WNT9A: variants seen among roughly 807,000 people sequenced by gnomAD.
The protein encoded by WNT9A is protein Wnt-9a.
Under a neutral mutation model 31.4 loss-of-function variants are expected in WNT9A, and 8 were observed. The ratio of observed to expected loss-of-function variants is 0.26; its 90% CI spans 0.15 to 0.46. WNT9A has a LOEUF of 0.46. Among genes scored for constraint, WNT9A ranks in the 20% least tolerant of loss-of-function variants. WNT9A has a pLI of 0.99. For missense variants in WNT9A, 457 were observed against 522.9 expected, an observed-to-expected ratio of 0.87 and a Z score of 1.23; for synonymous variants, 236 against 220.1, an observed-to-expected ratio of 1.07 and a Z score of -0.64.
chr1:227,933,478 T>C (rs1666543632), intron 1 of WNT9A, among the ~76,000 whole-genome samples: 1 of 152,240 alleles, frequency 6.6e-6, no homozygotes, highest in Non-Finnish European at 1.5e-5. Flanking sequence ...GGAGTAGCAC[T>C]TTCCATTTTC....
Position 227,921,902 on chromosome 1 carries a change from C to T in WNT9A, c.714G>A (p.Glu238=). Residue 238 remains glutamate (E), a synonymous_variant, in exon 4 of 4, where the codon GAG becomes GAA. Coordinates refer to ENST00000272164, the MANE Select transcript of WNT9A (RefSeq NM_003395.4). The part of the protein sequence containing the change: ...TCWRQLAPFH[E]VGKHLKHKYE... ...ACTTGTGCTTCAGATGCTTGCCCAC[C>T]TCATGGAAAGGCGCCAACTGCCGCC... 6.2e-7 allele frequency: 1 copy of T among 1,613,228 alleles called. No homozygotes were observed. Among genetic ancestry groups the T allele is most frequent in the Admixed American group, 1.7e-5 (1 of 60,036 alleles).
chr1:227,943,972 C>T (rs1397088795), intron 1 of WNT9A, among the ~76,000 whole-genome samples: 2 of 152,108 alleles, frequency 1.3e-5, no homozygotes, highest in Non-Finnish European at 2.9e-5. Context: ...CAGAGCAAGA[C>T]TCTGTCTCAA....
At chr1:227,945,607 G>A (rs1666782109) in intron 1 of WNT9A, among the ~76,000 whole-genome samples, 1 of 152,276 alleles carries the variant, frequency 6.6e-6, no homozygotes, top group South Asian at 2.1e-4. Context: ...TTTTGAGAGG[G>A]GGAAGGGAGA....
At chr1:227,941,120 G>A (rs551289135) in intron 1 of WNT9A, among the ~76,000 whole-genome samples, 2 of 152,374 alleles carry the variant, frequency 1.3e-5, no homozygotes, top group African/African-American at 2.4e-5. Flanking sequence ...ACTGCACTAC[G>A]TCTGGCCACA....
intron 1 of WNT9A, among the ~76,000 whole-genome samples, chr1:227,940,343 TGCTCA>T (rs1327941478): frequency 6.6e-6 from 1 of 152,170 alleles, no homozygotes; most frequent in Non-Finnish European, 1.5e-5. Context: ...GAGGCCTCTG[TGCTCA>T]GTGACCACAG....
At chr1:227,940,489 G>A (rs1218106497) in intron 1 of WNT9A, among the ~76,000 whole-genome samples, 1 of 152,178 alleles carries the variant, frequency 6.6e-6, no homozygotes, top group Non-Finnish European at 1.5e-5. Context: ...TCACTCTCCT[G>A]TAGGTGTCAC....
chr1:227,937,558 G>A (rs922060954), intron 1 of WNT9A, among the ~76,000 whole-genome samples: 4 of 152,228 alleles, frequency 2.6e-5, no homozygotes, highest in Non-Finnish European at 5.9e-5. Flanking sequence ...AGTGGAGGCT[G>A]TCCTTATAAG....
intron 1 of WNT9A, among the ~76,000 whole-genome samples, chr1:227,947,161 A>T (rs1427268495): frequency 6.6e-6 from 1 of 152,150 alleles, no homozygotes; most frequent in Admixed American, 6.5e-5. Context: ...GAGCACGGGC[A>T]ATGACACCGC....
chr1:227,938,300 CACACACACATAT>C (rs1311776040), intron 1 of WNT9A, among the ~76,000 whole-genome samples: 3 of 151,136 alleles, frequency 2.0e-5, no homozygotes, highest in Non-Finnish European at 4.4e-5. Context: ...CACACGCATA[CACACACACATAT>C]ACCCATACAT....
chr1:227,922,745 C>T lies in WNT9A; in HGVS notation c.616-745G>A, dbSNP rs28657911. ...ACAGAAGCCTGGCTGGGCCTGTCCC[C>T]TCCCAGGACTTAGGGCCCCACCTGC... On this transcript the variant is annotated intron_variant, in intron 3 of 3. Coordinates refer to ENST00000272164, the MANE Select transcript of WNT9A (RefSeq NM_003395.4). 5.1e-3 allele frequency among the ~76,000 whole-genome samples: 782 copies of T among 152,320 alleles called. 5 individuals carry two copies. Among genetic ancestry groups the T allele is most frequent in the African/African-American group, 0.018 (752 of 41,578 alleles).
Position 227,921,823 on chromosome 1 carries a change from C to G in WNT9A, c.793G>C (p.Gly265Arg), listed in dbSNP as rs1167018605. Residue 265 changes from glycine (G) to arginine (R), a missense_variant, in exon 4 of 4, where the codon GGT becomes CGT. Gly to Arg is a moderately radical substitution (Grantham distance 125). Transcript: ENST00000272164. ...STTNEAAGEAGAISPPRGRAS... is the reference protein window; with the variant it reads ...STTNEAAGEARAISPPRGRAS... ...CGGCCCCGTGGTGGGGAGATGGCAC[C>G]TGCCTCGCCGGCAGCTTCATTGGTG... 1 of 1,612,942 alleles carries G rather than the reference C, an allele frequency of 6.2e-7. No homozygotes were observed. Among genetic ancestry groups the G allele is most frequent in the African/African-American group, 1.3e-5 (1 of 74,942 alleles).
Position 227,947,888 on chromosome 1 carries a change from C to A in WNT9A, c.-1G>T. 9.3e-7 allele frequency: 1 copy of A among 1,072,642 alleles called. No homozygotes were observed. The highest frequency in any genetic ancestry group is 1.1e-6 in the Non-Finnish European group (1 of 887,330). The allele number at this position is 1,072,642 out of a possible 1,614,324, so 66.4% of individuals were successfully genotyped here. ...GCGCCAGCGGGGACCCATCCAGCAT[C>A]TTGCCGCGCCTCGGCGGCCGACCAT... On this transcript the variant is annotated 5_prime_UTR_variant, in exon 1 of 4. Transcript: ENST00000272164.
At position 227,925,368 on chromosome 1, in the gene WNT9A, C is replaced by T; in HGVS notation, c.247G>A (p.Val83Met). The change falls in exon 2 of 4, where the codon GTG (valine) becomes ATG (methionine). Residue 83 changes from valine (V) to methionine (M), a missense_variant. Physicochemically the swap from Val to Met is conservative, Grantham distance 21. Coordinates refer to ENST00000272164, the MANE Select transcript of WNT9A (RefSeq NM_003395.4). The surrounding 1 kb of genome is among the most constrained non-coding windows in gnomAD (Gnocchi z 6.0). ...RRDPGVAETLVEAVSMSALEC... is the reference protein window; with the variant it reads ...RRDPGVAETLMEAVSMSALEC... ...AGCGCACTCATGCTCACGGCCTCCA[C>T]CAGCGTCTCTGCCACGCCCGGGTCC... 3 of 1,611,530 alleles carry T rather than the reference C, an allele frequency of 1.9e-6. No homozygotes were observed. Among genetic ancestry groups the T allele is most frequent in the South Asian group, 1.1e-5 (1 of 90,952 alleles).
At position 227,924,483 on chromosome 1, in the gene WNT9A, G is replaced by A. The variant is rs1278744310; in HGVS notation, c.353-83C>T. 8 of 1,506,592 alleles carry A rather than the reference G, an allele frequency of 5.3e-6. No homozygotes were observed. The Admixed American group carries it at 1.0e-4, about 20-fold the overall frequency. The allele number at this position is 1,506,592 out of a possible 1,614,324, so 93.3% of individuals were successfully genotyped here. On this transcript the variant is annotated intron_variant, in intron 2 of 3. Coordinates refer to ENST00000272164, the MANE Select transcript of WNT9A (RefSeq NM_003395.4). ...GTCCTGCAGCCAAATCACCCCAAGA[G>A]TATGAATCCCATGTTGGGGCTCAGA...
intron 1 of WNT9A, among the ~76,000 whole-genome samples, chr1:227,943,750 A>G (rs1020495261): frequency 6.6e-6 from 1 of 152,174 alleles, no homozygotes; most frequent in African/African-American, 2.4e-5. Context: ...CTGACGTGGG[A>G]GATCCCTTGA....
intron 1 of WNT9A, among the ~76,000 whole-genome samples, chr1:227,945,945 TCAAA>T (rs906792493): frequency 9.2e-5 from 14 of 152,192 alleles, no homozygotes; most frequent in African/African-American, 2.2e-4. Flanking sequence ...TCTCCATCAG[TCAAA>T]CAGAGTCCTA....
At chr1:227,929,846 C>T (rs1418404442) in intron 1 of WNT9A, among the ~76,000 whole-genome samples, 2 of 152,154 alleles carry the variant, frequency 1.3e-5, no homozygotes, top group Non-Finnish European at 2.9e-5. Context: ...AGACCCTTGC[C>T]TCTTCTGCCA....
chr1:227,924,437 G>A lies in WNT9A; in HGVS notation c.353-37C>T, dbSNP rs894291588. The A allele has an allele frequency of 3.1e-6, 5 of 1,589,376 alleles. No homozygotes were observed. The African/African-American group carries it at 6.7e-5, about 21-fold the overall frequency. ...AAGGGCCGATCAGTGAGCCCAGGCT[G>A]CCCAGAGTTCCCCCTTCACTGTCCT... On this transcript the variant is annotated intron_variant, in intron 2 of 3. Transcript: ENST00000272164.
chr1:227,938,744 GTCTTGTGGGCCTGTT>G (rs1666642833), intron 1 of WNT9A, among the ~76,000 whole-genome samples: 1 of 152,302 alleles, frequency 6.6e-6, no homozygotes, highest in African/African-American at 2.4e-5. Context: ...AAGCCTCTGA[GTCTTGTGGGCCTGTT>G]GCTGAAAACA....
Sources: gnomAD v4.1 joint callset for allele counts (sites outside exome capture counted in the v4.1 genomes callset) on GRCh38, gnomAD v4.1.1 for gene constraint, Gnocchi (gnomAD v3.1) non-coding constraint, MANE v1.5 for transcripts, NCBI Gene and HGNC (gene_info 2026-07-23, HGNC 2026-07-21) for gene names.